Variants in METTL14 observed in about 807,000 individuals in gnomAD.
METTL14 encodes the protein methyltransferase 14, N6-adenosine-methyltransferase non-catalytic subunit, also known as N(6)-adenosine-methyltransferase non-catalytic subunit METTL14.
A neutral mutation model predicts 62.4 loss-of-function variants in METTL14; 32 were observed. That is an observed-to-expected ratio of 0.51 (90% CI 0.39 to 0.69). The LOEUF is 0.69. Among genes scored for constraint, METTL14 ranks in the 30% least tolerant of loss-of-function variants. The pLI is 0.00. For synonymous variants in METTL14, 150 were observed against 180.0 expected (o/e 0.83, Z 1.34); for missense variants, 340 against 551.9 (o/e 0.62, Z 3.85).
chr4:118,695,240 A>G (rs779147562), intron 6 of METTL14, among the ~76,000 whole-genome samples: 8 of 151,990 alleles, frequency 5.3e-5, no homozygotes, highest in Non-Finnish European at 7.4e-5. Context: ...GTGCCTCTAA[A>G]TATTTTTTCT....
chr4:118,704,945 G>C (rs1466309768), intron 9 of METTL14, among the ~76,000 whole-genome samples: 1 of 152,158 alleles, frequency 6.6e-6, no homozygotes, highest in African/African-American at 2.4e-5. Context: ...CTCAGCCCTT[G>C]ACCTGTGGGG....
At chr4:118,692,983 T>C (rs1313441006) in intron 5 of METTL14, among the ~76,000 whole-genome samples, 1 of 152,230 alleles carries the variant, frequency 6.6e-6, no homozygotes, top group African/African-American at 2.4e-5. Flanking sequence ...GGGTCATCGA[T>C]GTTGAAGCAT....
At chr4:118,709,952 A>G in intron 10 of METTL14, 46 bp from the exon 11 acceptor site, 3 of 1,523,366 alleles carry the variant, frequency 2.0e-6, no homozygotes, top group Non-Finnish European at 2.6e-6. Flanking sequence ...AATTAATAAG[A>G]GAGAATTGCA....
intron 8 of METTL14, among the ~76,000 whole-genome samples, chr4:118,701,649 T>C (rs1724592707): frequency 6.6e-6 from 1 of 152,220 alleles, no homozygotes; most frequent in South Asian, 2.1e-4. Flanking sequence ...CTCTTGAGGG[T>C]CTCAATTTTG....
chr4:118,699,088 G>A (rs976351283), intron 7 of METTL14, among the ~76,000 whole-genome samples: 32 of 152,152 alleles, frequency 2.1e-4, no homozygotes, highest in African/African-American at 7.2e-4. Context: ...AATCAGGACC[G>A]TTCTGCATTT....
rs1330847441 is a variant in METTL14, at chr4:118,712,071, A to T, written c.*1769A>T. 1 of 152,322 alleles carries T rather than the reference A, an allele frequency of 6.6e-6. No homozygotes were observed. The highest frequency in any genetic ancestry group is 2.4e-5 in the African/African-American group (1 of 41,564). The allele number at this position is 152,322 out of a possible 1,614,324, so 9.4% of individuals were successfully genotyped here. A position where few individuals can be genotyped will look rare whatever the true frequency, so the allele number is the denominator to read the frequency against. On this transcript the variant is annotated 3_prime_UTR_variant, in exon 11 of 11. Transcript: ENST00000388822. ...TACCATATTTAGGAAAAAGTTATTT[A>T]AAAAAGAGCAGATGGTGGAAAAAGA... is the stretch of plus-strand genomic sequence containing the variant.
Position 118,697,231 on chromosome 4 carries a change from A to G in METTL14, c.553A>G (p.Lys185Glu), listed in dbSNP as rs776955957. 3.1e-6 allele frequency: 5 copies of G among 1,612,252 alleles called. No individual in the cohort carries two copies. In the Admixed American group the frequency reaches 6.7e-5, roughly 22 times the overall value. Reference sequence around the variant, plus strand: ...CTTTGACATCAGAGAACTAACACCCAAATTTGATGTGATTCTTCTGGAACC... The same window carrying G: ...CTTTGACATCAGAGAACTAACACCCGAATTTGATGTGATTCTTCTGGAACC... ...EAFDIRELTP[K>E]FDVILLEPPL... The change falls in exon 7 of 11, where the codon AAA becomes GAA. Residue 185 changes from lysine to glutamate, a missense_variant. Lys to Glu is a moderately conservative substitution (Grantham distance 56). Coordinates refer to ENST00000388822, the MANE Select transcript of METTL14 (RefSeq NM_020961.4).
chr4:118,705,862 T>C, intron 10 of METTL14, 41 bp downstream of exon 10: 1 of 1,461,200 alleles, frequency 6.8e-7, no homozygotes, highest in Non-Finnish European at 9.6e-7. Context: ...ATTCTTTGGG[T>C]TATGCATGTC....
At chr4:118,709,095 A>G (rs1391798717) in intron 10 of METTL14, among the ~76,000 whole-genome samples, 1 of 152,236 alleles carries the variant, frequency 6.6e-6, no homozygotes, top group East Asian at 1.9e-4. Context: ...TAAGAAATAT[A>G]TTTGAATTGG....
chr4:118,687,193 T>C (rs886470982), intron 1 of METTL14, among the ~76,000 whole-genome samples: 24 of 152,258 alleles, frequency 1.6e-4, no homozygotes, highest in Non-Finnish European at 3.1e-4. Flanking sequence ...AGAAGTGTTT[T>C]GGATTTCAGA....
At chr4:118,699,377 A>G (rs190888374) in intron 7 of METTL14, among the ~76,000 whole-genome samples, 32 of 152,300 alleles carry the variant, frequency 2.1e-4, no homozygotes, top group Admixed American at 1.8e-3. Flanking sequence ...ATTGTTGAAA[A>G]ATCAGAAAAG....
At chr4:118,703,531 T>C (rs1724666737) in intron 8 of METTL14, among the ~76,000 whole-genome samples, 1 of 152,244 alleles carries the variant, frequency 6.6e-6, no homozygotes, top group Admixed American at 6.5e-5. Flanking sequence ...TTCAATAGTA[T>C]GTAGCTTTGT....
chr4:118,691,377 T>C (rs1191592905), intron 3 of METTL14, among the ~76,000 whole-genome samples, 155 bp from the exon 4 acceptor site: 5 of 152,168 alleles, frequency 3.3e-5, no homozygotes, highest in Admixed American at 6.5e-5. Flanking sequence ...CTAGATCTAA[T>C]AATGGGAAAG....
Position 118,710,293 on chromosome 4 carries a change from A to G in METTL14, c.1362A>G (p.Pro454=), listed in dbSNP as rs143516551. The change falls in exon 11 of 11, where the codon CCA becomes CCG. Residue 454 remains proline (P), a synonymous_variant. Transcript: ENST00000388822. ...GRGGAHRGGF[P]PR Reference sequence around the variant, plus strand: ...GAGGAGCACACAGAGGTGGCTTTCCACCTCGATAATTGTTGAAGACATTGA... The same window carrying G: ...GAGGAGCACACAGAGGTGGCTTTCCGCCTCGATAATTGTTGAAGACATTGA... 137 of 1,611,056 alleles carry G rather than the reference A, an allele frequency of 8.5e-5. 1 individual carries two copies. Among genetic ancestry groups the G allele is most frequent in the Admixed American group, 5.5e-4 (33 of 59,582 alleles).
intron 5 of METTL14, among the ~76,000 whole-genome samples, chr4:118,692,749 T>G (rs908701031): frequency 6.6e-6 from 1 of 152,142 alleles, no homozygotes; most frequent in African/African-American, 2.4e-5. Flanking sequence ...TGCAACTATT[T>G]TCACAATCTA....
At chr4:118,687,762 G>A (rs1038123890) in intron 1 of METTL14, among the ~76,000 whole-genome samples, 161 bp from the exon 2 acceptor site, 1 of 151,904 alleles carries the variant, frequency 6.6e-6, no homozygotes, top group Non-Finnish European at 1.5e-5. Flanking sequence ...TTTCCAGTTT[G>A]TCTTGCAAGC....
At chr4:118,688,061 CTG>C in intron 2 of METTL14, 50 bp downstream of exon 2, 1 of 1,431,532 alleles carries the variant, frequency 7.0e-7, no homozygotes, top group Non-Finnish European at 9.7e-7. Context: ...GGGTTTCACT[CTG>C]TTGCTTAGGC....
At chr4:118,691,444 GAAATA>G in intron 3 of METTL14, 83 bp from the exon 4 acceptor site, 3 of 670,510 alleles carry the variant, frequency 4.5e-6, no homozygotes, top group East Asian at 6.8e-5. Context: ...AAATCTTAAG[GAAATA>G]AAATATGTTG....
Position 118,711,366 on chromosome 4 carries a change from G to A in METTL14, c.*1064G>A, listed in dbSNP as rs1724916158. 6.6e-6 allele frequency: 1 copy of A among 152,098 alleles called. No individual in the cohort carries two copies. Among genetic ancestry groups the A allele is most frequent in the Admixed American group, 6.5e-5 (1 of 15,274 alleles). The allele number at this position is 152,098 out of a possible 1,614,324, so 9.4% of individuals were successfully genotyped here. A position where few individuals can be genotyped will look rare whatever the true frequency, so the allele number is the denominator to read the frequency against. The stretch of plus-strand genomic sequence containing the variant: ...TGTAATTCATGTTTTAAATGAATTT[G>A]ATAATGAAATTATACTATTATCATT... On this transcript the variant is annotated 3_prime_UTR_variant, in exon 11 of 11. Transcript: ENST00000388822.
Sources: gnomAD v4.1 joint callset for allele counts (sites outside exome capture counted in the v4.1 genomes callset) on GRCh38, gnomAD v4.1.1 for gene constraint, MANE v1.5 for transcripts, NCBI Gene and HGNC (gene_info 2026-07-23, HGNC 2026-07-21) for gene names.